Variants in GRIK3 observed in about 807,000 individuals in gnomAD.
GRIK3 encodes the protein glutamate receptor ionotropic, kainate 3.
In GRIK3, 29 loss-of-function variants were observed where a neutral mutation model predicts 102.5. That is an observed-to-expected ratio of 0.28 (90% CI 0.21 to 0.39). The LOEUF (loss-of-function observed/expected upper bound fraction) is 0.39, where lower values mean the gene tolerates loss of function less well. GRIK3 is among the 10% of genes least tolerant of loss of function. The pLI is 1.00. For synonymous variants in GRIK3, 511 were observed against 504.9 expected (o/e 1.01, Z -0.16); for missense variants, 908 against 1,252.4 (o/e 0.73, Z 4.15).
At position 36,806,081 on chromosome 1, in the gene GRIK3, C is replaced by T; in HGVS notation, c.2314+23G>A. 2.5e-6 allele frequency: 4 copies of T among 1,568,734 alleles called. No individual in the cohort carries two copies. The highest frequency in any genetic ancestry group is 3.5e-6 in the Non-Finnish European group (4 of 1,142,016). ...TCCCTCTGCCCACACACCCACCCCT[C>T]CCACAGGCAGCCCCTCGCTCACCCA... On this transcript the variant is annotated intron_variant, in intron 14 of 15. Coordinates refer to ENST00000373091, the MANE Select transcript of GRIK3 (RefSeq NM_000831.4). This position sits in a 1 kb window ranked among gnomAD's most constrained non-coding sequence, Gnocchi z 4.0.
rs968179461 is a variant in GRIK3, at chr1:36,800,565, G to A, written c.*1286C>T. 1.3e-5 allele frequency: 2 copies of A among 152,252 alleles called. No homozygotes were observed. Among genetic ancestry groups the A allele is most frequent in the Non-Finnish European group, 1.5e-5 (1 of 68,060 alleles). 9.4% of individuals were successfully genotyped at this position (152,252 alleles called of 1,614,324 possible). A position where few individuals can be genotyped will look rare whatever the true frequency, so the allele number is the denominator to read the frequency against. ...GGGGCCAGGATGGCCTCATGTCTCT[G>A]TGTGGGGTCTTTGGTTAATTCTCCA... On this transcript the variant is annotated 3_prime_UTR_variant, in exon 16 of 16. Coordinates refer to ENST00000373091, the MANE Select transcript of GRIK3 (RefSeq NM_000831.4).
chr1:36,980,939 C>T (rs1262869227), intron 1 of GRIK3, among the ~76,000 whole-genome samples: 1 of 152,086 alleles, frequency 6.6e-6, no homozygotes, highest in Non-Finnish European at 1.5e-5. Context: ...CTTCCTGTCC[C>T]ATCAGCTTGG....
chr1:37,028,733 G>A (rs1642789810), intron 1 of GRIK3, among the ~76,000 whole-genome samples: 1 of 152,176 alleles, frequency 6.6e-6, no homozygotes, highest in Non-Finnish European at 1.5e-5. Context: ...GGGATCCAGA[G>A]GCAGGCACAC....
At chr1:37,030,374 C>A (rs1212260119) in intron 1 of GRIK3, among the ~76,000 whole-genome samples, 1 of 152,090 alleles carries the variant, frequency 6.6e-6, no homozygotes, top group Non-Finnish European at 1.5e-5. Context: ...CAGATGAGGC[C>A]GGTTTGGGAA....
At chr1:37,017,479 A>C (rs1642664980) in intron 1 of GRIK3, among the ~76,000 whole-genome samples, 1 of 152,026 alleles carries the variant, frequency 6.6e-6, no homozygotes, top group Non-Finnish European at 1.5e-5. Context: ...TATTCTTCAC[A>C]ACCACTACCA....
chr1:36,963,109 C>T (rs895257009), intron 1 of GRIK3, among the ~76,000 whole-genome samples: 3 of 152,020 alleles, frequency 2.0e-5, no homozygotes, highest in Non-Finnish European at 2.9e-5. Flanking sequence ...GGTCAGGGAC[C>T]GAGGCAGGGA....
At position 36,817,074 on chromosome 1, in the gene GRIK3, T is replaced by G. The variant is rs1277655159; in HGVS notation, c.2077A>C (p.Met693Leu). 1 of 1,612,644 alleles carries G rather than the reference T, an allele frequency of 6.2e-7. No individual in the cohort carries two copies. Among genetic ancestry groups the G allele is most frequent in the Non-Finnish European group, 8.5e-7 (1 of 1,178,622 alleles). The change falls in exon 13 of 16, where the codon ATG becomes CTG. Residue 693 changes from methionine to leucine, a missense_variant. Transcript: ENST00000373091. ...GAGGGCCTCACCTTGAAGAAGGTCA[T>G]GGTGGCCCCATCCTTGACAGCCCCA... ...EYGAVKDGAT[M>L]TFFKKSKIST...
At chr1:36,830,362 C>T (rs964437769) in intron 10 of GRIK3, among the ~76,000 whole-genome samples, 5 of 149,088 alleles carry the variant, frequency 3.4e-5, no homozygotes, top group Admixed American at 1.3e-4. Context: ...AATTATGCCC[C>T]CCCACCCCCA....
At chr1:36,846,051 C>T (rs563507021) in intron 9 of GRIK3, among the ~76,000 whole-genome samples, 36 of 152,356 alleles carry the variant, frequency 2.4e-4, no homozygotes, top group Middle Eastern at 6.8e-3. Flanking sequence ...CATCGGCAGC[C>T]AAACGAGTCT....
At chr1:36,845,036 TA>T (rs1173036710) in intron 9 of GRIK3, among the ~76,000 whole-genome samples, 1 of 152,182 alleles carries the variant, frequency 6.6e-6, no homozygotes, top group Non-Finnish European at 1.5e-5. Flanking sequence ...AGAGCAGCTG[TA>T]AAATGCCATT....
chr1:36,808,730 C>T (rs1642527524), intron 13 of GRIK3, among the ~76,000 whole-genome samples: 3 of 152,308 alleles, frequency 2.0e-5, no homozygotes, highest in East Asian at 1.9e-4. Context: ...GATTCCTGAC[C>T]CACAAGCTGT....
At chr1:36,913,835 C>A (rs1028411404) in intron 1 of GRIK3, among the ~76,000 whole-genome samples, 5 of 152,186 alleles carry the variant, frequency 3.3e-5, no homozygotes, top group African/African-American at 1.2e-4. Flanking sequence ...CTGAAGTCAC[C>A]TGCCTTCAGC....
chr1:37,010,025 A>G (rs1165046400), intron 1 of GRIK3, among the ~76,000 whole-genome samples: 1 of 152,176 alleles, frequency 6.6e-6, no homozygotes, highest in Non-Finnish European at 1.5e-5. Context: ...GAGTCTTCAG[A>G]GAGGCCAGCT....
At chr1:36,908,181 T>C (rs1641306703) in intron 1 of GRIK3, among the ~76,000 whole-genome samples, 1 of 152,168 alleles carries the variant, frequency 6.6e-6, no homozygotes, top group East Asian at 1.9e-4. Context: ...AGGGTTTTCC[T>C]GAAGAGCACT....
intron 1 of GRIK3, among the ~76,000 whole-genome samples, chr1:36,953,199 C>G (rs1391955568): frequency 6.6e-6 from 1 of 152,224 alleles, no homozygotes; most frequent in Non-Finnish European, 1.5e-5. Context: ...CCTCCCCCTG[C>G]CCCTGCCTCA....
chr1:36,945,716 G>T (rs1353585903), intron 1 of GRIK3, among the ~76,000 whole-genome samples: 5 of 152,188 alleles, frequency 3.3e-5, no homozygotes, highest in African/African-American at 1.2e-4. Context: ...TGATCAGCAC[G>T]CTGTCCCTGA....
intron 1 of GRIK3, among the ~76,000 whole-genome samples, chr1:37,027,028 G>A (rs1439248989): frequency 6.6e-6 from 1 of 152,044 alleles, no homozygotes; most frequent in Non-Finnish European, 1.5e-5. Flanking sequence ...TTGTCTAGTG[G>A]GGGAGGCACA....
rs1054628319 is a variant in GRIK3 at position 36,850,491 on chromosome 1, A to G, written c.1213-67T>C. ...TCTACCCATCTTCCTCCATATCGAC[A>G]AGACCTTCATCTCATTCCCATTCAT... On this transcript the variant is annotated intron_variant, in intron 8 of 15. Coordinates refer to ENST00000373091, the MANE Select transcript of GRIK3 (RefSeq NM_000831.4). This position sits in a 1 kb window ranked among gnomAD's most constrained non-coding sequence, Gnocchi z 4.0. The G allele has an allele frequency of 3.4e-6, 3 of 884,034 alleles. No individual in the cohort carries two copies. The highest frequency in any genetic ancestry group is 5.8e-6 in the Non-Finnish European group (3 of 521,154). The allele number at this position is 884,034 out of a possible 1,614,324, so 54.8% of individuals were successfully genotyped here.
At chr1:36,947,570 C>T (rs975997) in intron 1 of GRIK3, among the ~76,000 whole-genome samples, 5,965 of 152,282 alleles carry the variant, frequency 0.039, 178 homozygotes, top group South Asian at 0.14. Flanking sequence ...CTCCTCTCCC[C>T]GTGACCATGC....
Sources: allele counts gnomAD v4.1 joint callset (sites outside exome capture counted in the v4.1 genomes callset), GRCh38; gene constraint gnomAD v4.1.1; non-coding constraint Gnocchi (gnomAD v3.1); transcripts MANE v1.5; gene names NCBI Gene and HGNC (gene_info 2026-07-23, HGNC 2026-07-21).